Variants in MARCHF3 observed in about 807,000 individuals in gnomAD.
MARCHF3 encodes the protein E3 ubiquitin-protein ligase MARCHF3.
A neutral mutation model predicts 24.2 loss-of-function variants in MARCHF3; 13 were observed. The observed-to-expected ratio is 0.54, with a 90% CI of 0.35 to 0.85. The LOEUF is 0.85. Ranked by LOEUF, MARCHF3 falls within the 40% of genes least tolerant of loss-of-function variation. The probability of loss-of-function intolerance (pLI) is 0.01; values close to 1 mark genes in which losing one functional copy is unlikely to be tolerated. For missense variants in MARCHF3, 276 were observed against 325.0 expected, an observed-to-expected ratio of 0.85 and a Z score of 1.16; for synonymous variants, 144 against 137.3, an observed-to-expected ratio of 1.05 and a Z score of -0.34.
At chr5:126,957,871 G>T (rs1750501215) in intron 1 of MARCHF3, among the ~76,000 whole-genome samples, 1 of 152,026 alleles carries the variant, frequency 6.6e-6, no homozygotes, top group Non-Finnish European at 1.5e-5. Flanking sequence ...AATATAGAAA[G>T]AATTGTGTCT....
chr5:126,985,557 C>T (rs913890898), intron 1 of MARCHF3, among the ~76,000 whole-genome samples: 2 of 151,784 alleles, frequency 1.3e-5, no homozygotes, highest in African/African-American at 4.8e-5. Context: ...GCAACCTCCC[C>T]CTCTTGGGTT....
chr5:126,943,665 T>C (rs181148398), intron 1 of MARCHF3, among the ~76,000 whole-genome samples: 9 of 152,280 alleles, frequency 5.9e-5, no homozygotes, highest in Admixed American at 4.6e-4. Flanking sequence ...TATTATCTTA[T>C]TGAATCCTTA....
At chr5:127,017,346 T>C (rs1446839221) in intron 1 of MARCHF3, among the ~76,000 whole-genome samples, 1 of 152,222 alleles carries the variant, frequency 6.6e-6, no homozygotes, top group Non-Finnish European at 1.5e-5. Context: ...AAAAATGGTG[T>C]CCTTAAAACT....
chr5:126,935,783 G>T (rs1479923769), intron 1 of MARCHF3, among the ~76,000 whole-genome samples: 1 of 151,396 alleles, frequency 6.6e-6, no homozygotes, highest in African/African-American at 2.4e-5. Flanking sequence ...GCTAATTTTT[G>T]TATTCTTAGT....
intron 1 of MARCHF3, among the ~76,000 whole-genome samples, chr5:127,014,502 A>AGCCCCAT (rs1179391557): frequency 6.6e-6 from 1 of 151,340 alleles, no homozygotes; most frequent in African/African-American, 2.4e-5. Flanking sequence ...AGATATCTGC[A>AGCCCCAT]GCCCCATGTT....
chr5:126,986,428 T>A (rs1280595757), intron 1 of MARCHF3, among the ~76,000 whole-genome samples: 2 of 152,250 alleles, frequency 1.3e-5, no homozygotes, highest in African/African-American at 4.8e-5. Context: ...GACAAAGTAT[T>A]GCTCAAGGTA....
At chr5:126,972,170 C>T (rs991986809) in intron 1 of MARCHF3, among the ~76,000 whole-genome samples, 5 of 145,644 alleles carry the variant, frequency 3.4e-5, no homozygotes, top group Non-Finnish European at 6.0e-5. Flanking sequence ...ATTTATAATA[C>T]AAAGTTAGGA....
rs1333131224 is a variant in MARCHF3 at position 126,938,187 on chromosome 5, TGA to T, written c.-56-19962_-56-19961del. On this transcript the variant is annotated intron_variant, in intron 1 of 4. Transcript: ENST00000308660. ...ATTCTTTTTTTTTTTTTTTTTTTTTTGAGACAGTCTTGCTCTGCCGCCCAGGC... is the reference window on the plus strand; with the variant it reads ...ATTCTTTTTTTTTTTTTTTTTTTTTTGACAGTCTTGCTCTGCCGCCCAGGC... Among the ~76,000 whole-genome samples the T allele has an allele frequency of 6.4e-5, 9 of 140,842 alleles. No homozygotes were observed. In the East Asian group the frequency reaches 1.9e-3, roughly 30 times the overall value. 92.4% of individuals were successfully genotyped at this position (140,842 alleles called of 152,430 possible).
intron 1 of MARCHF3, among the ~76,000 whole-genome samples, chr5:126,932,781 C>T (rs923823099): frequency 1.3e-5 from 2 of 152,150 alleles, no homozygotes; most frequent in Admixed American, 1.3e-4. Context: ...TAGGAGCTTT[C>T]CATTTATCCT....
chr5:127,019,769 G>A lies in MARCHF3; in HGVS notation c.-57+10581C>T, dbSNP rs73783503. On this transcript the variant is annotated intron_variant, in intron 1 of 4. Transcript: ENST00000308660. ...TTACTTTTCGCATGAGATAATACAC[G>A]TCCTTACTGTTTATGTCAATTTGAG... is the stretch of plus-strand genomic sequence containing the variant. 5.9e-5 allele frequency among the ~76,000 whole-genome samples: 9 copies of A among 151,554 alleles called. No homozygotes were observed. In the South Asian group the frequency reaches 1.5e-3, roughly 24 times the overall value.
chr5:126,954,714 G>A (rs554300259), intron 1 of MARCHF3, among the ~76,000 whole-genome samples: 16 of 147,900 alleles, frequency 1.1e-4, no homozygotes, highest in East Asian at 3.9e-4. Flanking sequence ...TAAATAGAGC[G>A]CACTCATGCA....
At chr5:126,964,052 C>T (rs1750727917) in intron 1 of MARCHF3, among the ~76,000 whole-genome samples, 1 of 152,174 alleles carries the variant, frequency 6.6e-6, no homozygotes, top group South Asian at 2.1e-4. Flanking sequence ...TCAGTTGATA[C>T]TTTGTAGGGT....
chr5:126,975,003 C>G (rs1265591900), intron 1 of MARCHF3, among the ~76,000 whole-genome samples: 3 of 152,216 alleles, frequency 2.0e-5, no homozygotes, highest in Non-Finnish European at 4.4e-5. Context: ...TGTCACCACA[C>G]TGGAGTGCAG....
intron 1 of MARCHF3, among the ~76,000 whole-genome samples, chr5:126,991,337 G>C (rs1751752247): frequency 6.6e-6 from 1 of 152,088 alleles, no homozygotes; most frequent in Admixed American, 6.5e-5. Flanking sequence ...TCTTAGGTGG[G>C]AACTGAACAA....
intron 1 of MARCHF3, among the ~76,000 whole-genome samples, chr5:126,957,435 A>G (rs898541471): frequency 6.6e-6 from 1 of 152,216 alleles, no homozygotes; most frequent in Non-Finnish European, 1.5e-5. Flanking sequence ...CCAAGTGCAG[A>G]TAAATACTCA....
At chr5:126,968,576 T>C (rs1750894197) in intron 1 of MARCHF3, among the ~76,000 whole-genome samples, 1 of 152,080 alleles carries the variant, frequency 6.6e-6, no homozygotes, top group African/African-American at 2.4e-5. Flanking sequence ...AGTTTTCAAT[T>C]GGGTTATTAT....
At chr5:126,883,401 G>GC (rs1031075828) in intron 3 of MARCHF3, among the ~76,000 whole-genome samples, 2 of 152,174 alleles carry the variant, frequency 1.3e-5, no homozygotes, top group Non-Finnish European at 2.9e-5. Flanking sequence ...GCAGTGAGCT[G>GC]CCTATTTTTC....
In MARCHF3 at chr5:126,985,645, T is replaced by G. The variant is rs566193010; in HGVS notation, c.-57+44705A>C. 2.5e-4 allele frequency among the ~76,000 whole-genome samples: 38 copies of G among 151,984 alleles called. No individual in the cohort carries two copies. In the East Asian group the frequency reaches 6.4e-3, roughly 26 times the overall value. Reference sequence around the variant, plus strand: ...CACCACGCCTGGCTAATTTTTTTATTTTTTATTTTTTAGTAGAGACAGGGT... The same window carrying G: ...CACCACGCCTGGCTAATTTTTTTATGTTTTATTTTTTAGTAGAGACAGGGT... On this transcript the variant is annotated intron_variant, in intron 1 of 4. Coordinates refer to ENST00000308660, the MANE Select transcript of MARCHF3 (RefSeq NM_178450.5).
intron 1 of MARCHF3, among the ~76,000 whole-genome samples, chr5:127,027,914 T>C (rs1158129878): frequency 1.3e-5 from 2 of 152,188 alleles, no homozygotes; most frequent in African/African-American, 2.4e-5. Context: ...CTAAGGTCCA[T>C]CCCAGACTCC....
Sources: gnomAD v4.1 joint callset for allele counts (sites outside exome capture counted in the v4.1 genomes callset) on GRCh38, gnomAD v4.1.1 for gene constraint, MANE v1.5 for transcripts, NCBI Gene and HGNC (gene_info 2026-07-23, HGNC 2026-07-21) for gene names.